The following ABLIM3 variants were observed in gnomAD, a reference collection of about 807,000 sequenced individuals.
ABLIM3 encodes the protein actin-binding LIM protein 3.
Under a neutral mutation model 109.5 loss-of-function variants are expected in ABLIM3, and 61 were observed. The ratio of observed to expected loss-of-function variants is 0.56; its 90% confidence interval spans 0.45 to 0.69. The LOEUF (loss-of-function observed/expected upper bound fraction) is 0.69. Among genes scored for constraint, ABLIM3 ranks in the 30% least tolerant of loss-of-function variants. ABLIM3 has a pLI of 0.00. For missense variants in ABLIM3, 796 were observed against 889.5 expected, an observed-to-expected ratio of 0.89 and a Z score of 1.34; for synonymous variants, 300 against 324.8, an observed-to-expected ratio of 0.92 and a Z score of 0.82.
rs143823373 is a variant in ABLIM3, at chr5:149,155,332, A to G, written c.13+13224A>G. Among the ~76,000 whole-genome samples the G allele has an allele frequency of 3.3e-4, 50 of 152,338 alleles. No homozygotes were observed. The East Asian group carries it at 9.7e-3, about 29-fold the overall frequency. On this transcript the variant is annotated intron_variant, in intron 2 of 23. Transcript: ENST00000309868. Reference sequence around the variant, plus strand: ...GAAACAAATCTTCACGCTGTGAGACAGTGACATTCCATATTCTAGGCACCA... The same window carrying G: ...GAAACAAATCTTCACGCTGTGAGACGGTGACATTCCATATTCTAGGCACCA...
chr5:149,244,873 C>G lies in ABLIM3; in HGVS notation c.1352-8C>G. The G allele has an allele frequency of 6.2e-7, 1 of 1,614,158 alleles. No individual in the cohort carries two copies. The highest frequency in any genetic ancestry group is 8.5e-7 in the Non-Finnish European group (1 of 1,180,030). On this transcript the variant is annotated splice_region_variant and splice_polypyrimidine_tract_variant and intron_variant, in intron 15 of 23. Coordinates refer to ENST00000309868, the MANE Select transcript of ABLIM3 (RefSeq NM_014945.5). ...CTTCCTGAAGTGCTCTCCTTGGGTC[C>G]TCTGCAGGTGATTTGTCTACAGCAA...
At chr5:149,209,149 G>A (rs1759297754) in intron 6 of ABLIM3, among the ~76,000 whole-genome samples, 1 of 152,182 alleles carries the variant, frequency 6.6e-6, no homozygotes, top group Non-Finnish European at 1.5e-5. Context: ...AGCAAGGAGT[G>A]CCCTTAGTAC....
intron 3 of ABLIM3, among the ~76,000 whole-genome samples, chr5:149,186,630 C>T (rs1756987459): frequency 6.6e-6 from 1 of 152,066 alleles, no homozygotes; most frequent in Admixed American, 6.6e-5. Flanking sequence ...TTTGGAGGAA[C>T]TCAACTTTAT....
chr5:149,159,932 C>T (rs1754187887), intron 2 of ABLIM3, among the ~76,000 whole-genome samples: 1 of 152,120 alleles, frequency 6.6e-6, no homozygotes, highest in Non-Finnish European at 1.5e-5. Context: ...CCTGGTTTTC[C>T]ACAAACAGCC....
At chr5:149,209,949 G>T (rs992081538) in intron 6 of ABLIM3, among the ~76,000 whole-genome samples, 1 of 151,598 alleles carries the variant, frequency 6.6e-6, no homozygotes, top group African/African-American at 2.4e-5. Context: ...CAGTGTCTGA[G>T]CCAAGTTCTC....
At chr5:149,189,233 A>G (rs1374880941) in intron 3 of ABLIM3, among the ~76,000 whole-genome samples, 1 of 152,198 alleles carries the variant, frequency 6.6e-6, no homozygotes, top group Non-Finnish European at 1.5e-5. Flanking sequence ...CTAAATGTAG[A>G]AGGTAAAATT....
chr5:149,216,568 T>C (rs2963494), intron 7 of ABLIM3: 83,950 of 173,708 alleles, frequency 0.48, 21,297 homozygotes, highest in African/African-American at 0.61. Context: ...CCCAAGTTCA[T>C]GTACCACTTA....
chr5:149,147,113 A>ATG lies in ABLIM3; in HGVS notation c.13+5028_13+5029dup, dbSNP rs35743789. ...TCGCTCGCTTGCTCGCTCTCTGTGT[A>ATG]TGTGTGTGTGTGTGTGTGTGTGTGC... On this transcript the variant is annotated intron_variant, in intron 2 of 23. Coordinates refer to ENST00000309868, the MANE Select transcript of ABLIM3 (RefSeq NM_014945.5). 6.3e-3 allele frequency among the ~76,000 whole-genome samples: 881 copies of ATG among 138,890 alleles called. 6 individuals carry two copies. The highest frequency in any genetic ancestry group is 0.013 in the African/African-American group (496 of 37,790). The allele number at this position is 138,890 out of a possible 152,430, so 91.1% of individuals were successfully genotyped here.
chr5:149,169,646 A>G (rs1184696041), intron 2 of ABLIM3, among the ~76,000 whole-genome samples: 1 of 152,190 alleles, frequency 6.6e-6, no homozygotes, highest in Non-Finnish European at 1.5e-5. Context: ...TTCCTCCAGT[A>G]AAGAGAGAGT....
At chr5:149,200,476 TG>T in intron 5 of ABLIM3, 48 bp downstream of exon 5, 3 of 1,582,670 alleles carry the variant, frequency 1.9e-6, no homozygotes, top group Non-Finnish European at 2.6e-6. Flanking sequence ...GTGATCTCTC[TG>T]GGCTCCCCTT....
At chr5:149,235,903 ATGT>A (rs1017195497) in intron 10 of ABLIM3, among the ~76,000 whole-genome samples, 3 of 152,166 alleles carry the variant, frequency 2.0e-5, no homozygotes, top group Admixed American at 2.0e-4. Flanking sequence ...CAGCAACATA[ATGT>A]TGTTACCACA....
Position 149,259,244 on chromosome 5 carries a change from T to C in ABLIM3, c.*840T>C. On this transcript the variant is annotated 3_prime_UTR_variant, in exon 24 of 24. Coordinates refer to ENST00000309868, the MANE Select transcript of ABLIM3 (RefSeq NM_014945.5). ...CTTGGGACCCTCCTCTCTCCCTCAC[T>C]GCTCCCAGCACCTCCTGACCCTTCC... is the stretch of plus-strand genomic sequence containing the variant. The C allele has an allele frequency of 3.2e-6, 4 of 1,238,678 alleles. No homozygotes were observed. Among genetic ancestry groups the C allele is most frequent in the Non-Finnish European group, 4.1e-6 (4 of 985,262 alleles). The allele number at this position is 1,238,678 out of a possible 1,614,324, so 76.7% of individuals were successfully genotyped here. A position where few individuals can be genotyped will look rare whatever the true frequency, so the allele number is the denominator to read the frequency against.
At chr5:149,244,756 G>A (rs112442631) in intron 15 of ABLIM3, 125 bp from the exon 16 acceptor site, 2 of 1,237,724 alleles carry the variant, frequency 1.6e-6, no homozygotes, top group Non-Finnish European at 2.3e-6. Flanking sequence ...AGTTCTAACA[G>A]AGAGCCCTGA....
At chr5:149,252,310 C>T (rs972696289) in intron 22 of ABLIM3, 102 bp downstream of exon 22, 3 of 1,368,666 alleles carry the variant, frequency 2.2e-6, no homozygotes, top group Non-Finnish European at 1.0e-6. Flanking sequence ...GGGAAGGGAA[C>T]ATAGATAAAT....
At chr5:149,242,727 G>A in intron 15 of ABLIM3, 189 bp downstream of exon 15, 1 of 636,846 alleles carries the variant, frequency 1.6e-6, no homozygotes, top group Non-Finnish European at 2.8e-6. Context: ...AAAGAACAAA[G>A]TCCTCATGTC....
intron 2 of ABLIM3, among the ~76,000 whole-genome samples, chr5:149,161,987 G>A (rs1270161811): frequency 1.3e-5 from 2 of 152,046 alleles, no homozygotes; most frequent in South Asian, 4.2e-4. Context: ...TTGAAGTTTG[G>A]GCACATTCCC....
intron 8 of ABLIM3, among the ~76,000 whole-genome samples, chr5:149,228,289 C>T (rs1761518803): frequency 6.6e-6 from 1 of 152,204 alleles, no homozygotes; most frequent in Admixed American, 6.5e-5. Context: ...GTAAAATCAG[C>T]TTTCACCATT....
At chr5:149,174,009 G>A (rs1456178307) in intron 2 of ABLIM3, among the ~76,000 whole-genome samples, 20 of 129,170 alleles carry the variant, frequency 1.5e-4, no homozygotes, top group South Asian at 4.9e-4. Context: ...GCAACAGAGC[G>A]AGACTCCGTC....
chr5:149,195,599 A>G (rs1757887503), intron 3 of ABLIM3, among the ~76,000 whole-genome samples: 1 of 151,888 alleles, frequency 6.6e-6, no homozygotes, highest in African/African-American at 2.4e-5. Flanking sequence ...CTGGGGGTGG[A>G]GTTGGCAAAG....
Sources: gnomAD v4.1 joint callset for allele counts (sites outside exome capture counted in the v4.1 genomes callset) on GRCh38, gnomAD v4.1.1 for gene constraint, MANE v1.5 for transcripts, NCBI Gene and HGNC (gene_info 2026-07-23, HGNC 2026-07-21) for gene names.